RASSF6: variants seen among roughly 807,000 people sequenced by gnomAD.
RASSF6 encodes ras association domain-containing protein 6.
Under a neutral mutation model 44.0 loss-of-function variants are expected in RASSF6, and 52 were observed. That is an observed-to-expected ratio of 1.18 (90% CI 0.95 to 1.49). The LOEUF (loss-of-function observed/expected upper bound fraction) is 1.49. Among genes scored for constraint, RASSF6 ranks in the 40% most tolerant of loss-of-function variants. RASSF6 has a pLI of 0.00. For synonymous variants in RASSF6, 162 were observed against 124.6 expected (o/e 1.30, Z -2.00); for missense variants, 464 against 393.3 (o/e 1.18, Z -1.52).
intron 6 of RASSF6, among the ~76,000 whole-genome samples, chr4:73,583,509 G>C (rs1223891745): frequency 6.6e-6 from 1 of 151,956 alleles, no homozygotes; most frequent in Non-Finnish European, 1.5e-5. Flanking sequence ...AACAATATTG[G>C]CATTAACAAG....
rs780121601 is a variant in RASSF6 at position 73,593,440 on chromosome 4, A to C, written c.287+11T>G. On this transcript the variant is annotated intron_variant, in intron 4 of 10. Transcript: ENST00000307439. Reference sequence around the variant, plus strand: ...TCTTCTGAGGAATTAAAAACATGAAAGATAGCTTACCCTTTGCTGGAGAAG... The same window carrying C: ...TCTTCTGAGGAATTAAAAACATGAACGATAGCTTACCCTTTGCTGGAGAAG... The C allele has an allele frequency of 1.1e-5, 17 of 1,592,596 alleles. No homozygotes were observed.
chr4:73,600,468 G>A (rs961888989), intron 2 of RASSF6, among the ~76,000 whole-genome samples: 2 of 151,840 alleles, frequency 1.3e-5, no homozygotes, highest in Non-Finnish European at 2.9e-5. Context: ...CTCAATATCT[G>A]TCTCTGTCTC....
At chr4:73,619,073 A>G (rs536724216) in intron 1 of RASSF6, among the ~76,000 whole-genome samples, 2 of 152,332 alleles carry the variant, frequency 1.3e-5, no homozygotes, top group East Asian at 1.9e-4. Flanking sequence ...AAACAATTCA[A>G]TATGTGCTGA....
intron 1 of RASSF6, among the ~76,000 whole-genome samples, chr4:73,617,630 G>A (rs980893381): frequency 3.3e-5 from 5 of 152,132 alleles, no homozygotes; most frequent in African/African-American, 1.2e-4. Flanking sequence ...TGATGATGAA[G>A]TTTTCCTTTA....
chr4:73,592,884 A>G (rs1207090811), intron 4 of RASSF6, among the ~76,000 whole-genome samples: 1 of 152,198 alleles, frequency 6.6e-6, no homozygotes, highest in Admixed American at 6.5e-5. Flanking sequence ...AGAGGAGTCA[A>G]GACCACAGGC....
intron 3 of RASSF6, among the ~76,000 whole-genome samples, chr4:73,597,383 A>G (rs1725002319): frequency 6.6e-6 from 1 of 152,150 alleles, no homozygotes; most frequent in African/African-American, 2.4e-5. Context: ...AGCTCTACAT[A>G]ACAGATCATT....
Position 73,585,377 on chromosome 4 carries a change from GATT to G in RASSF6, c.383-16_383-14del. The G allele has an allele frequency of 6.5e-7, 1 of 1,536,504 alleles. No individual in the cohort carries two copies. The highest frequency in any genetic ancestry group is 8.8e-7 in the Non-Finnish European group (1 of 1,140,410). On this transcript the variant is annotated splice_polypyrimidine_tract_variant and intron_variant, in intron 5 of 10. Coordinates refer to ENST00000307439, the MANE Select transcript of RASSF6 (RefSeq NM_177532.5). ...TAAGATAAATAGTCTGGGAAGAATA[GATT>G]ATAAGCTCATATCATTCAGCTGCCT...
chr4:73,587,364 A>ACTC (rs1724178273), intron 5 of RASSF6, among the ~76,000 whole-genome samples: 1 of 151,906 alleles, frequency 6.6e-6, no homozygotes, highest in Non-Finnish European at 1.5e-5. Flanking sequence ...TATAAAATTG[A>ACTC]CTCCAGCATA....
chr4:73,588,176 C>T (rs1404896825), intron 4 of RASSF6, among the ~76,000 whole-genome samples: 1 of 151,992 alleles, frequency 6.6e-6, no homozygotes, highest in Admixed American at 6.6e-5. Context: ...AATTCAGTTA[C>T]ATACTGAAAC....
intron 8 of RASSF6, among the ~76,000 whole-genome samples, chr4:73,578,048 T>C (rs563869259): frequency 0.086 from 613 of 7,132 alleles, 5 homozygotes; most frequent in African/African-American, 0.18. Context: ...TATTATTATC[T>C]GCAGTTATGG....
chr4:73,605,881 A>G (rs60755652), intron 2 of RASSF6, among the ~76,000 whole-genome samples: 24,684 of 151,948 alleles, frequency 0.16, 2,418 homozygotes, highest in Non-Finnish European at 0.22. Flanking sequence ...GATGATGAGC[A>G]TTTTTTCATG....
intron 3 of RASSF6, among the ~76,000 whole-genome samples, chr4:73,598,405 C>A (rs1247652): frequency 0.023 from 3,523 of 152,124 alleles, 149 homozygotes; most frequent in African/African-American, 0.08. Context: ...AGTGTAAATG[C>A]TGTTAAAATA....
intron 4 of RASSF6, among the ~76,000 whole-genome samples, chr4:73,591,277 AAAAT>A (rs1405444964): frequency 6.6e-6 from 1 of 152,236 alleles, no homozygotes; most frequent in African/African-American, 2.4e-5. Context: ...TTGTCAATTA[AAAAT>A]AAAATAAAAC....
rs1311025036 is a variant in RASSF6, at chr4:73,620,408, C to T, written c.-155G>A. The T allele has an allele frequency of 1.3e-6, 2 of 1,539,250 alleles. No homozygotes were observed. The highest frequency in any genetic ancestry group is 2.1e-5 in the Admixed American group (1 of 48,198). ...GTAGAGGGAAACCAGTGCCCTGTCT[C>T]TGCCGGGCTGGGACTCCGCGAGTCA... On this transcript the variant is annotated 5_prime_UTR_variant, in exon 1 of 11. Transcript: ENST00000307439.
chr4:73,608,257 G>A (rs2149394579), intron 2 of RASSF6, among the ~76,000 whole-genome samples: 1 of 151,324 alleles, frequency 6.6e-6, no homozygotes, highest in South Asian at 2.1e-4. Context: ...GATTATCTTG[G>A]GCAGACAAAT....
At chr4:73,601,400 A>G (rs1725269045) in intron 2 of RASSF6, among the ~76,000 whole-genome samples, 1 of 152,218 alleles carries the variant, frequency 6.6e-6, no homozygotes, top group South Asian at 2.1e-4. Context: ...AATATTTCTA[A>G]TCTGGCTCTT....
intron 8 of RASSF6, among the ~76,000 whole-genome samples, chr4:73,578,323 A>G (rs1173574784): frequency 6.6e-6 from 1 of 152,192 alleles, no homozygotes; most frequent in African/African-American, 2.4e-5. Context: ...GTCTTGGAGA[A>G]CACCAAAGAG....
intron 4 of RASSF6, among the ~76,000 whole-genome samples, chr4:73,588,147 C>A (rs1724249813): frequency 6.6e-6 from 1 of 151,962 alleles, no homozygotes; most frequent in African/African-American, 2.4e-5. Context: ...TTTTATAGAG[C>A]ATATCTTTTT....
chr4:73,603,444 A>G (rs1429651085), intron 2 of RASSF6, among the ~76,000 whole-genome samples: 2 of 152,084 alleles, frequency 1.3e-5, no homozygotes, highest in African/African-American at 2.4e-5. Flanking sequence ...GCCCTGGAAG[A>G]GAGCTAGCCA....
Sources: gnomAD v4.1 joint callset for allele counts (sites outside exome capture counted in the v4.1 genomes callset) on GRCh38, gnomAD v4.1.1 for gene constraint, MANE v1.5 for transcripts, NCBI Gene and HGNC (gene_info 2026-07-23, HGNC 2026-07-21) for gene names.